The following IGSF11 variants were observed in gnomAD, a reference collection of about 807,000 sequenced individuals.
The protein encoded by IGSF11 is CXADR like 1.
In IGSF11, 22 loss-of-function variants were observed where a neutral mutation model predicts 41.0. The ratio of observed to expected loss-of-function variants is 0.54; its 90% CI spans 0.38 to 0.77. The LOEUF is 0.77. Among genes scored for constraint, IGSF11 ranks in the 30% least tolerant of loss-of-function variants. The probability of loss-of-function intolerance (pLI) is 0.00; values close to 1 mark genes in which losing one functional copy is unlikely to be tolerated. For synonymous variants in IGSF11, 219 were observed against 201.3 expected, an observed-to-expected ratio of 1.09 and a Z score of -0.74; for missense variants, 444 against 530.8, an observed-to-expected ratio of 0.84 and a Z score of 1.61.
intron 1 of IGSF11, among the ~76,000 whole-genome samples, chr3:119,084,315 G>T (rs757216678): frequency 6.6e-6 from 1 of 152,080 alleles, no homozygotes; most frequent in Non-Finnish European, 1.5e-5. Flanking sequence ...AAATGCTAGG[G>T]CTGGTTTCCT....
At chr3:119,073,088 A>G (rs1348750419) in intron 1 of IGSF11, among the ~76,000 whole-genome samples, 1 of 152,192 alleles carries the variant, frequency 6.6e-6, no homozygotes, top group Non-Finnish European at 1.5e-5. Context: ...TGAGCTAGAC[A>G]GAGTGGTGAT....
chr3:119,050,799 T>C (rs1451934551), intron 1 of IGSF11, among the ~76,000 whole-genome samples: 4 of 151,756 alleles, frequency 2.6e-5, no homozygotes, highest in African/African-American at 7.3e-5. Flanking sequence ...ATATACACCA[T>C]GGAATACTAT....
intron 1 of IGSF11, among the ~76,000 whole-genome samples, chr3:118,966,639 C>A (rs1161928661): frequency 2.0e-5 from 3 of 152,028 alleles, no homozygotes; most frequent in Admixed American, 2.0e-4. Flanking sequence ...TCGCCAGGTT[C>A]GGGTTAGCAC....
chr3:119,040,405 C>A (rs1559828761), intron 1 of IGSF11, among the ~76,000 whole-genome samples: 1 of 152,196 alleles, frequency 6.6e-6, no homozygotes, highest in African/African-American at 2.4e-5. Context: ...TAATAAAGCT[C>A]CAGTCTCCCA....
intron 1 of IGSF11, among the ~76,000 whole-genome samples, chr3:119,016,018 G>C (rs879914369): frequency 6.6e-6 from 1 of 152,222 alleles, no homozygotes; most frequent in Non-Finnish European, 1.5e-5. Flanking sequence ...GAGTGAGGGA[G>C]GACATAAAGA....
intron 1 of IGSF11, among the ~76,000 whole-genome samples, chr3:119,056,910 C>G (rs1208643195): frequency 1.3e-5 from 2 of 152,094 alleles, no homozygotes; most frequent in Non-Finnish European, 2.9e-5. Context: ...AGGCCTTTGA[C>G]AAAATTCAAC....
intron 1 of IGSF11, among the ~76,000 whole-genome samples, chr3:118,973,123 T>A (rs1933641522): frequency 6.6e-6 from 1 of 152,198 alleles, no homozygotes; most frequent in Admixed American, 6.5e-5. Context: ...ACCCAGGATC[T>A]CTCATCCAGG....
upstream of IGSF11, among the ~76,000 whole-genome samples, chr3:119,109,580 T>A (rs2077105703): frequency 1.3e-5 from 2 of 152,238 alleles, no homozygotes; most frequent in Non-Finnish European, 1.5e-5. Flanking sequence ...TTTTTGTGTC[T>A]CTATTTCCTT....
At chr3:119,102,106 C>T (rs1184529461) in intron 1 of IGSF11, among the ~76,000 whole-genome samples, 1 of 152,122 alleles carries the variant, frequency 6.6e-6, no homozygotes, top group Non-Finnish European at 1.5e-5. Context: ...TAACTGTAAC[C>T]TCCATGTTTA....
chr3:119,132,529 T>C (rs1419151084), intron 1 of IGSF11, among the ~76,000 whole-genome samples: 1 of 151,920 alleles, frequency 6.6e-6, no homozygotes, highest in Admixed American at 6.6e-5. Context: ...CTAACTATCC[T>C]AAATAGATAT....
chr3:119,025,645 T>G (rs1437597834), intron 1 of IGSF11, among the ~76,000 whole-genome samples: 4 of 151,954 alleles, frequency 2.6e-5, no homozygotes, highest in Admixed American at 6.6e-5. Context: ...CCAGTATGTT[T>G]GACTATACAA....
At position 119,009,855 on chromosome 3, in the gene IGSF11, C is replaced by T. The variant is rs572231606; in HGVS notation, c.52+24676G>A. Among the ~76,000 whole-genome samples the T allele has an allele frequency of 3.6e-3, 551 of 152,182 alleles. 3 individuals are homozygous for T. Among genetic ancestry groups the T allele is most frequent in the African/African-American group, 0.012 (496 of 41,502 alleles). On this transcript the variant is annotated intron_variant, in intron 1 of 6. Transcript: ENST00000393775. ...GGAAAAGGCAAGGTACTATAAGGAA[C>T]GTAACATCTACCTTGACATCTACCT...
intron 1 of IGSF11, among the ~76,000 whole-genome samples, chr3:119,121,839 A>T (rs1031194339): frequency 2.0e-5 from 3 of 152,190 alleles, no homozygotes; most frequent in Non-Finnish European, 4.4e-5. Flanking sequence ...ATGTACAAGG[A>T]ATCCTCAACA....
intron 1 of IGSF11, among the ~76,000 whole-genome samples, chr3:119,078,366 C>A (rs2076535465): frequency 1.3e-5 from 2 of 152,230 alleles, no homozygotes; most frequent in South Asian, 4.2e-4. Context: ...GGTACAAAAA[C>A]AGAGACCATT....
intron 1 of IGSF11, among the ~76,000 whole-genome samples, chr3:119,021,264 A>G (rs1350050335): frequency 6.6e-6 from 1 of 152,178 alleles, no homozygotes; most frequent in Non-Finnish European, 1.5e-5. Context: ...TAATAGAAAA[A>G]TTAGTATCAT....
At chr3:118,965,033 C>T (rs550376603) in intron 1 of IGSF11, among the ~76,000 whole-genome samples, 2 of 152,118 alleles carry the variant, frequency 1.3e-5, no homozygotes, top group South Asian at 4.1e-4. Context: ...CCAGAGTTGA[C>T]AAGAATTCAA....
intron 1 of IGSF11, among the ~76,000 whole-genome samples, chr3:119,014,035 C>T (rs28410549): frequency 0.2 from 30,083 of 152,062 alleles, 3,467 homozygotes; most frequent in African/African-American, 0.32. Context: ...TAACAGAAAC[C>T]CAGCAGTGGA....
chr3:119,097,986 T>A (rs2076882353), intron 1 of IGSF11, among the ~76,000 whole-genome samples: 1 of 143,564 alleles, frequency 7.0e-6, no homozygotes, highest in Admixed American at 7.0e-5. Context: ...TTTTTTTTTT[T>A]AGAGACAGGG....
intron 4 of IGSF11, among the ~76,000 whole-genome samples, chr3:118,906,891 T>C (rs972278978): frequency 6.6e-6 from 1 of 152,186 alleles, no homozygotes; most frequent in Admixed American, 6.5e-5. Context: ...AGACTGAAGC[T>C]TTAGATGTTT....
Sources: allele counts gnomAD v4.1 joint callset (sites outside exome capture counted in the v4.1 genomes callset), GRCh38; gene constraint gnomAD v4.1.1; transcripts MANE v1.5; gene names NCBI Gene and HGNC (gene_info 2026-07-23, HGNC 2026-07-21).